Variants in ZNF385D observed in about 807,000 individuals in gnomAD.
ZNF385D encodes the protein zinc finger protein 385D.
ZNF385D carries 15 observed loss-of-function variants against 35.8 expected under a neutral mutation model. The ratio of observed to expected loss-of-function variants is 0.42; its 90% CI spans 0.28 to 0.64. ZNF385D has a LOEUF of 0.64. Among genes scored for constraint, ZNF385D ranks in the 30% least tolerant of loss-of-function variants. The pLI is 0.23. For missense variants in ZNF385D, 474 were observed against 494.6 expected, an observed-to-expected ratio of 0.96 and a Z score of 0.39; for synonymous variants, 212 against 186.8, an observed-to-expected ratio of 1.13 and a Z score of -1.10.
At chr3:21,670,576 T>C (rs949192083) in intron 1 of ZNF385D, among the ~76,000 whole-genome samples, 1 of 146,428 alleles carries the variant, frequency 6.8e-6, no homozygotes, top group Admixed American at 7.1e-5. Context: ...AAACTTTAGA[T>C]CTGATCCTAC....
At chr3:22,039,255 C>CAAAA (rs376799573) in intron 3 of ZNF385D, among the ~76,000 whole-genome samples, 5 of 104,100 alleles carry the variant, frequency 4.8e-5, no homozygotes, top group South Asian at 3.0e-4. Flanking sequence ...TAATCCAAGC[C>CAAAA]AAAAAAAAAA....
intron 2 of ZNF385D, among the ~76,000 whole-genome samples, chr3:22,193,052 A>G (rs932170566): frequency 1.3e-5 from 2 of 152,222 alleles, no homozygotes; most frequent in Admixed American, 1.3e-4. Flanking sequence ...TTAATCTCAG[A>G]TAAGACAAGA....
At chr3:22,000,836 C>G (rs1010727878) in intron 3 of ZNF385D, among the ~76,000 whole-genome samples, 2 of 150,552 alleles carry the variant, frequency 1.3e-5, no homozygotes, top group Non-Finnish European at 3.0e-5. Context: ...ATGAGTCTTT[C>G]CCAGACAAGC....
chr3:21,966,584 G>T (rs661429), intron 3 of ZNF385D, among the ~76,000 whole-genome samples: 86,414 of 151,908 alleles, frequency 0.57, 26,555 homozygotes, highest in African/African-American at 0.8. Flanking sequence ...TTTACTTCTT[G>T]TTTGTTTGTT....
chr3:22,070,599 C>T (rs1008618497), intron 3 of ZNF385D, among the ~76,000 whole-genome samples: 1 of 151,976 alleles, frequency 6.6e-6, no homozygotes, highest in African/African-American at 2.4e-5. Context: ...TTCAAATGGA[C>T]AAACATCTGT....
upstream of ZNF385D, among the ~76,000 whole-genome samples, chr3:21,754,883 TC>T (rs2070271928): frequency 6.6e-6 from 1 of 152,208 alleles, no homozygotes; most frequent in African/African-American, 2.4e-5. Context: ...TGAATGAGCA[TC>T]CTAAGTACAG....
At chr3:21,932,355 A>G (rs2125250439) in intron 3 of ZNF385D, among the ~76,000 whole-genome samples, 1 of 152,140 alleles carries the variant, frequency 6.6e-6, no homozygotes, top group South Asian at 2.1e-4. Context: ...GCAATTAGTC[A>G]AAGCAAGTTT....
chr3:21,864,896 G>A (rs759143098), intron 3 of ZNF385D, among the ~76,000 whole-genome samples: 6 of 151,322 alleles, frequency 4.0e-5, no homozygotes, highest in Non-Finnish European at 8.8e-5. Context: ...GTGAAATGAA[G>A]CCTTGAGAGT....
intron 3 of ZNF385D, among the ~76,000 whole-genome samples, chr3:21,864,693 A>G (rs1379234380): frequency 1.3e-5 from 2 of 152,082 alleles, no homozygotes; most frequent in East Asian, 1.9e-4. Context: ...TCTTTTTGCT[A>G]TGGGTTTGCC....
rs1034519990 is a variant in ZNF385D at position 21,437,039 on chromosome 3, G to T, written c.604C>A (p.Arg202=). The T allele has an allele frequency of 6.2e-7, 1 of 1,613,962 alleles. No individual in the cohort carries two copies. The highest frequency in any genetic ancestry group is 8.5e-7 in the Non-Finnish European group (1 of 1,179,900). ...TTGCATAGCGAACAGTAAAGAAGCC[G>T]TTTTGCCTTTTCTTCCTCGGTCTCA... is the stretch of plus-strand genomic sequence containing the variant. The part of the protein sequence containing the change: ...STETEEEKAK[R]LLYCSLCKVA... The change falls in exon 5 of 8, where the codon CGG becomes AGG. Residue 202 remains arginine, a synonymous_variant. Coordinates refer to ENST00000281523, the MANE Select transcript of ZNF385D (RefSeq NM_024697.3).
intron 1 of ZNF385D, among the ~76,000 whole-genome samples, chr3:21,717,640 T>C (rs1000251617): frequency 1.3e-5 from 2 of 152,202 alleles, no homozygotes; most frequent in Non-Finnish European, 2.9e-5. Flanking sequence ...TGGGAGATAA[T>C]TGAATCAGGG....
chr3:21,455,712 T>A (rs1423475671), intron 4 of ZNF385D, among the ~76,000 whole-genome samples: 1 of 152,110 alleles, frequency 6.6e-6, no homozygotes. Context: ...CCAAAAGCAA[T>A]GGCAACAAAA....
chr3:21,953,814 GA>G (rs1183308342), intron 3 of ZNF385D, among the ~76,000 whole-genome samples: 4 of 151,970 alleles, frequency 2.6e-5, no homozygotes, highest in Admixed American at 2.6e-4. Context: ...GGAAATTAGA[GA>G]AAAATTAGAG....
chr3:21,491,445 A>G (rs906228100), intron 4 of ZNF385D, among the ~76,000 whole-genome samples: 1 of 152,148 alleles, frequency 6.6e-6, no homozygotes, highest in Non-Finnish European at 1.5e-5. Flanking sequence ...CATCTAAGAA[A>G]AAAACCCTGC....
At chr3:21,495,072 C>G (rs74992096) in intron 4 of ZNF385D, among the ~76,000 whole-genome samples, 1 of 152,006 alleles carries the variant, frequency 6.6e-6, no homozygotes, top group Non-Finnish European at 1.5e-5. Context: ...TCCTGTTCTG[C>G]ATTAGTTTTC....
At chr3:21,833,399 T>C (rs905191547) in intron 3 of ZNF385D, among the ~76,000 whole-genome samples, 2 of 152,146 alleles carry the variant, frequency 1.3e-5, no homozygotes, top group African/African-American at 4.8e-5. Context: ...CTAAATGCAA[T>C]CACATGTATC....
chr3:22,344,127 C>T (rs909504602), intron 2 of ZNF385D, among the ~76,000 whole-genome samples: 16 of 148,254 alleles, frequency 1.1e-4, no homozygotes, highest in African/African-American at 4.1e-4. Flanking sequence ...TTCCATTTGG[C>T]CTCTTGTGTT....
chr3:21,929,142 A>G (rs1575939704), intron 3 of ZNF385D, among the ~76,000 whole-genome samples: 2 of 152,294 alleles, frequency 1.3e-5, no homozygotes, highest in East Asian at 1.9e-4. Flanking sequence ...CAAATTGGAT[A>G]TAGTGTTGGA....
At chr3:22,145,008 ATATG>A (rs1443624435) in intron 3 of ZNF385D, among the ~76,000 whole-genome samples, 8 of 61,750 alleles carry the variant, frequency 1.3e-4, no homozygotes, top group East Asian at 4.4e-4. Flanking sequence ...TTGAAGATAC[ATATG>A]TGTGTGTGTG....
Sources: allele counts gnomAD v4.1 joint callset (sites outside exome capture counted in the v4.1 genomes callset), GRCh38; gene constraint gnomAD v4.1.1; transcripts MANE v1.5; gene names NCBI Gene and HGNC (gene_info 2026-07-23, HGNC 2026-07-21).